FRK: variants seen among roughly 807,000 people sequenced by gnomAD.
FRK encodes the protein tyrosine-protein kinase FRK.
In FRK, 51 loss-of-function variants were observed where a neutral mutation model predicts 56.4. That is an observed-to-expected ratio of 0.90 (90% CI 0.72 to 1.14). The LOEUF (loss-of-function observed/expected upper bound fraction) is 1.14, where lower values mean the gene tolerates loss of function less well. FRK is among the 50% of genes most tolerant of loss of function. FRK has a pLI of 0.00. For synonymous variants in FRK, 245 were observed against 217.9 expected (o/e 1.12, Z -1.10); for missense variants, 570 against 601.4 (o/e 0.95, Z 0.55).
the FRK span, among the ~76,000 whole-genome samples, chr6:116,081,033 C>G: frequency 2.0e-5 from 3 of 152,148 alleles, no homozygotes; most frequent in Non-Finnish European, 4.4e-5. Context: ...AAAGTCATGT[C>G]CTACATGGTG....
rs1456404734 is a variant in FRK, at chr6:115,932,843, C to G, written c.*9571G>C. 1 of 152,190 alleles carries G rather than the reference C, an allele frequency of 6.6e-6. No homozygotes were observed. The highest frequency in any genetic ancestry group is 1.5e-5 in the Non-Finnish European group (1 of 68,072). The allele number at this position is 152,190 out of a possible 1,614,324, so 9.4% of individuals were successfully genotyped here. ...CAGAGTCGGAAGAGTTTGGGCCCCT[C>G]CTGGTTCATTAGATCCACATGGTCA... On this transcript the variant is annotated 3_prime_UTR_variant, in exon 8 of 8. Transcript: ENST00000606080.
the FRK span, among the ~76,000 whole-genome samples, chr6:116,094,509 G>A: frequency 6.6e-6 from 1 of 152,218 alleles, no homozygotes; most frequent in Admixed American, 6.5e-5. Flanking sequence ...CAGATAGTAA[G>A]TATGCTTATC....
intron 2 of FRK, among the ~76,000 whole-genome samples, chr6:116,000,596 T>C (rs1775028275): frequency 6.6e-6 from 1 of 152,132 alleles, no homozygotes; most frequent in Admixed American, 6.5e-5. Flanking sequence ...GATCTCACTT[T>C]TGACTAAATA....
At chr6:116,018,495 T>C (rs1295948155) in intron 1 of FRK, among the ~76,000 whole-genome samples, 1 of 152,216 alleles carries the variant, frequency 6.6e-6, no homozygotes, top group African/African-American at 2.4e-5. Flanking sequence ...CTTCCAGTTA[T>C]ATTTGTGTTT....
upstream of FRK, among the ~76,000 whole-genome samples, chr6:116,065,511 G>A (rs186501735): frequency 6.6e-5 from 10 of 152,324 alleles, no homozygotes; most frequent in African/African-American, 2.4e-4. Context: ...TTTGCCTGAT[G>A]TGATGACCCC....
Position 115,984,852 on chromosome 6 carries a change from G to A in FRK, c.467-16113C>T, listed in dbSNP as rs113716170. 5.8e-3 allele frequency among the ~76,000 whole-genome samples: 887 copies of A among 151,734 alleles called. 8 individuals carry two copies. Among genetic ancestry groups the A allele is most frequent in the African/African-American group, 0.02 (829 of 41,360 alleles). On this transcript the variant is annotated intron_variant, in intron 2 of 7. Transcript: ENST00000606080. ...TGAACTTTTGAAACAAATTTGTTTCGATGTGCCGATTTGGTGATAATTTAG... is the reference window on the plus strand; with the variant it reads ...TGAACTTTTGAAACAAATTTGTTTCAATGTGCCGATTTGGTGATAATTTAG...
intron 1 of FRK, among the ~76,000 whole-genome samples, chr6:116,017,684 C>T (rs977988653): frequency 6.6e-6 from 1 of 152,274 alleles, no homozygotes; most frequent in Non-Finnish European, 1.5e-5. Flanking sequence ...CTAAGAAGGT[C>T]GGAGGTAGAG....
At chr6:116,000,335 C>T (rs1197163814) in intron 2 of FRK, among the ~76,000 whole-genome samples, 1 of 145,572 alleles carries the variant, frequency 6.9e-6, no homozygotes, top group Non-Finnish European at 1.5e-5. Context: ...CTCCACCTCC[C>T]AGGTTCAAGC....
At chr6:116,090,154 T>G in the FRK span, among the ~76,000 whole-genome samples, 1 of 152,198 alleles carries the variant, frequency 6.6e-6, no homozygotes, top group Admixed American at 6.5e-5. Context: ...AGCATGATAA[T>G]GAGTCGTGTC....
intron 1 of FRK, among the ~76,000 whole-genome samples, chr6:116,046,545 A>C (rs1234674539): frequency 6.6e-6 from 1 of 152,026 alleles, no homozygotes; most frequent in African/African-American, 2.4e-5. Context: ...AAAACCAAAC[A>C]CTGCATGTTC....
chr6:116,035,466 C>A (rs967357205), intron 1 of FRK, among the ~76,000 whole-genome samples: 2 of 152,034 alleles, frequency 1.3e-5, no homozygotes, highest in Non-Finnish European at 2.9e-5. Flanking sequence ...TTACTCACAT[C>A]TACATATCCA....
rs1302922373 is a variant in FRK at position 115,933,567 on chromosome 6, G to A, written c.*8847C>T. ...ACGGGTATCAGGTGGTATTAAAACA[G>A]GAAAGGATAAACTTCTTTTCATATT... On this transcript the variant is annotated 3_prime_UTR_variant, in exon 8 of 8. Coordinates refer to ENST00000606080, the MANE Select transcript of FRK (RefSeq NM_002031.3). 2.0e-5 allele frequency: 3 copies of A among 152,044 alleles called. No homozygotes were observed. The highest frequency in any genetic ancestry group is 4.4e-5 in the Non-Finnish European group (3 of 67,982). The allele number at this position is 152,044 out of a possible 1,614,324, so 9.4% of individuals were successfully genotyped here.
chr6:116,008,022 A>G lies in FRK; in HGVS notation c.345-4024T>C, dbSNP rs1775316144. On this transcript the variant is annotated intron_variant, in intron 1 of 7. Coordinates refer to ENST00000606080, the MANE Select transcript of FRK (RefSeq NM_002031.3). ...ATATGTAAGCCTTTACAAGAATTAC[A>G]ATGTATCTAGCAGATTAAGTTCTCC... is the stretch of plus-strand genomic sequence containing the variant. 2.6e-5 allele frequency among the ~76,000 whole-genome samples: 4 copies of G among 152,210 alleles called. No individual in the cohort carries two copies. The South Asian group carries it at 8.3e-4, about 32-fold the overall frequency.
intron 2 of FRK, chr6:116,002,604 C>CA (rs1028503044): frequency 4.7e-6 from 2 of 421,168 alleles, no homozygotes; most frequent in Admixed American, 2.4e-5. Context: ...CACTCCGTCT[C>CA]AAAAAAACAA....
chr6:115,966,980 G>A (rs2114598524), intron 4 of FRK, among the ~76,000 whole-genome samples: 1 of 151,940 alleles, frequency 6.6e-6, no homozygotes, highest in Non-Finnish European at 1.5e-5. Flanking sequence ...AGAAATATTT[G>A]GAAAGTTACT....
intron 1 of FRK, among the ~76,000 whole-genome samples, chr6:116,054,805 CTT>C (rs755677838): frequency 4.0e-5 from 6 of 151,752 alleles, no homozygotes; most frequent in Admixed American, 6.6e-5. Flanking sequence ...ACACTGGTGA[CTT>C]TTAATAATTC....
chr6:115,976,793 TTGAG>T (rs1774007188), intron 2 of FRK, among the ~76,000 whole-genome samples: 1 of 152,132 alleles, frequency 6.6e-6, no homozygotes, highest in African/African-American at 2.4e-5. Context: ...CAGGGATAGT[TTGAG>T]TGTCATTGTT....
At chr6:116,001,807 A>G (rs1775073099) in intron 2 of FRK, among the ~76,000 whole-genome samples, 1 of 152,158 alleles carries the variant, frequency 6.6e-6, no homozygotes, top group Non-Finnish European at 1.5e-5. Context: ...TCACTGGAAT[A>G]AAGTCTCTTC....
At chr6:116,056,669 T>G (rs1777412302) in intron 1 of FRK, among the ~76,000 whole-genome samples, 1 of 152,144 alleles carries the variant, frequency 6.6e-6, no homozygotes, top group Non-Finnish European at 1.5e-5. Context: ...TTTATATCTT[T>G]AAAAACACCA....
Sources: gnomAD v4.1 joint callset for allele counts (sites outside exome capture counted in the v4.1 genomes callset) on GRCh38, gnomAD v4.1.1 for gene constraint, MANE v1.5 for transcripts, NCBI Gene and HGNC (gene_info 2026-07-23, HGNC 2026-07-21) for gene names.